RPL23: variants seen among roughly 807,000 people sequenced by gnomAD.
The protein encoded by RPL23 is large ribosomal subunit protein uL14.
For missense variants in RPL23, 79 were observed against 178.8 expected (o/e 0.44, Z 3.18); for synonymous variants, 63 against 65.3 (o/e 0.97, Z 0.17).
chr17:38,850,296 G>A, intron 4 of RPL23, 66 bp downstream of exon 4: 11 of 1,550,964 alleles, frequency 7.1e-6, no homozygotes, highest in Non-Finnish European at 9.8e-6. Context: ...AAGATCCTTG[G>A]CCTGTACTTC....
In RPL23 at chr17:38,849,955, C is replaced by CA; in HGVS notation, c.*176dup. 2 of 522,228 alleles carry CA rather than the reference C, an allele frequency of 3.8e-6. No individual in the cohort carries two copies. Among genetic ancestry groups the CA allele is most frequent in the Non-Finnish European group, 3.3e-6 (1 of 299,228 alleles). 32.3% of individuals were successfully genotyped at this position (522,228 alleles called of 1,614,324 possible). A position where few individuals can be genotyped will look rare whatever the true frequency, so the allele number is the denominator to read the frequency against. On this transcript the variant is annotated 3_prime_UTR_variant, in exon 5 of 5. Coordinates refer to ENST00000479035, the MANE Select transcript of RPL23 (RefSeq NM_000978.4). ...AAACATGGTGAAACCCTGTCTCCAC[C>CA]AAAAATACAAAAACTAGCCAGGCAT...
At position 38,849,153 on chromosome 17, in the gene RPL23, G is replaced by A. The variant is rs557513915; in HGVS notation, c.*979C>T. ...ACATTTTCATAGCAAAATACCTGTAGGTACCATCAACTTAATCATCTTCCA... is the reference window on the plus strand; with the variant it reads ...ACATTTTCATAGCAAAATACCTGTAAGTACCATCAACTTAATCATCTTCCA... On this transcript the variant is annotated 3_prime_UTR_variant, in exon 5 of 5. Transcript: ENST00000479035. 14 of 152,184 alleles carry A rather than the reference G, an allele frequency of 9.2e-5. No individual in the cohort carries two copies. The South Asian group carries it at 2.9e-3, about 32-fold the overall frequency. The allele number at this position is 152,184 out of a possible 1,614,324, so 9.4% of individuals were successfully genotyped here.
intron 3 of RPL23, chr17:38,850,741 TAGGGAGTAA>T (rs1912978595): frequency 8.5e-6 from 3 of 351,570 alleles, no homozygotes; most frequent in African/African-American, 2.1e-5. Flanking sequence ...GCTGGGAGTA[TAGGGAGTAA>T]AGGCATGAAC....
chr17:38,852,870 A>G (rs1555551645), intron 2 of RPL23, 138 bp from the exon 3 acceptor site: 6 of 1,399,960 alleles, frequency 4.3e-6, no homozygotes, highest in Non-Finnish European at 6.1e-6. Context: ...ACGCCTTGTC[A>G]CACCACCGAT....
rs751381482 is a variant in RPL23, at chr17:38,853,123, A to G, written c.14-18T>C. On this transcript the variant is annotated intron_variant, in intron 1 of 4. Transcript: ENST00000479035. Reference sequence around the variant, plus strand: ...ACCACGTCCTGTGGATATAAAGGGAAGGGAAACAGGATAAAGAGATCACAA... The same window carrying G: ...ACCACGTCCTGTGGATATAAAGGGAGGGGAAACAGGATAAAGAGATCACAA... The G allele has an allele frequency of 6.3e-7, 1 of 1,595,120 alleles. No individual in the cohort carries two copies. Among genetic ancestry groups the G allele is most frequent in the Non-Finnish European group, 8.6e-7 (1 of 1,162,794 alleles).
Position 38,847,898 on chromosome 17 carries a change from AAAATCTCC to A in RPL23, c.*2226_*2233del. 6.7e-7 allele frequency: 1 copy of A among 1,498,280 alleles called. No individual in the cohort carries two copies. Among genetic ancestry groups the A allele is most frequent in the Middle Eastern group, 1.7e-4 (1 of 5,748 alleles). The allele number at this position is 1,498,280 out of a possible 1,614,324, so 92.8% of individuals were successfully genotyped here. On this transcript the variant is annotated 3_prime_UTR_variant, in exon 5 of 5. Transcript: ENST00000479035. ...TAAAGTTTTTTAATCCAAGTCAAAA[AAAATCTCC>A]AAAGAATAAAATGTGAGGTGGGATG...
In RPL23 at chr17:38,850,102, T is replaced by C; in HGVS notation, c.*30A>G. The C allele has an allele frequency of 6.6e-7, 1 of 1,509,002 alleles. No homozygotes were observed. Among genetic ancestry groups the C allele is most frequent in the Non-Finnish European group, 9.0e-7 (1 of 1,111,800 alleles). 93.5% of individuals were successfully genotyped at this position (1,509,002 alleles called of 1,614,324 possible). ...ATACTTTTTAATGGGTTTAGTTTTT[T>C]TTTTTATTTTTTACAAATATACTGG... On this transcript the variant is annotated 3_prime_UTR_variant, in exon 5 of 5. Transcript: ENST00000479035.
chr17:38,852,371 AAAAACAAAAC>A (rs377128831), intron 3 of RPL23: 3 of 524,602 alleles, frequency 5.7e-6, no homozygotes, highest in East Asian at 3.4e-5. Context: ...CTCCATCTCA[AAAAACAAAAC>A]AAAACAAAAC....
chr17:38,850,109 T>G lies in RPL23; in HGVS notation c.*23A>C. 6.5e-7 allele frequency: 1 copy of G among 1,540,086 alleles called. No individual in the cohort carries two copies. Reference sequence around the variant, plus strand: ...TTAATGGGTTTAGTTTTTTTTTTTATTTTTTACAAATATACTGGAGAATCA... The same window carrying G: ...TTAATGGGTTTAGTTTTTTTTTTTAGTTTTTACAAATATACTGGAGAATCA... On this transcript the variant is annotated 3_prime_UTR_variant, in exon 5 of 5. Coordinates refer to ENST00000479035, the MANE Select transcript of RPL23 (RefSeq NM_000978.4).
In RPL23 at chr17:38,849,813, T is replaced by A. The variant is rs905315392; in HGVS notation, c.*319A>T. The stretch of plus-strand genomic sequence containing the variant: ...ACTCACAAAAAAGCAAGGATTGCTT[T>A]AAAAAAAAAATGCCCAGAGTTTCCA... On this transcript the variant is annotated 3_prime_UTR_variant, in exon 5 of 5. Coordinates refer to ENST00000479035, the MANE Select transcript of RPL23 (RefSeq NM_000978.4). The A allele has an allele frequency of 3.2e-4, 66 of 207,044 alleles. No individual in the cohort carries two copies. The highest frequency in any genetic ancestry group is 3.8e-4 in the Non-Finnish European group (40 of 105,234). 12.8% of individuals were successfully genotyped at this position (207,044 alleles called of 1,614,324 possible).
At chr17:38,852,360 A>C in intron 3 of RPL23, 2 of 471,788 alleles carry the variant, frequency 4.2e-6, no homozygotes. Context: ...ACAGAGAGAG[A>C]CTCCATCTCA....
intron 2 of RPL23, 129 bp downstream of exon 2, chr17:38,852,893 C>T: frequency 7.4e-7 from 1 of 1,344,474 alleles, no homozygotes; most frequent in Non-Finnish European, 1.1e-6. Flanking sequence ...AAGCAAACAA[C>T]ACATGTTGCC....
Position 38,847,982 on chromosome 17 carries a change from T to C in RPL23, c.*2150A>G, listed in dbSNP as rs1360289197. ...CCCTTTGAAGGCCACAGCAGGAGGA[T>C]TCCAAGTCCAGCAGTTCAAAGTTAC... On this transcript the variant is annotated 3_prime_UTR_variant, in exon 5 of 5. Coordinates refer to ENST00000479035, the MANE Select transcript of RPL23 (RefSeq NM_000978.4). The C allele has an allele frequency of 1.9e-6, 3 of 1,549,898 alleles. No homozygotes were observed. The African/African-American group carries it at 4.1e-5, about 21-fold the overall frequency.
In RPL23 at chr17:38,852,371, A is replaced by AAAAAC. The variant is rs377128831; in HGVS notation, c.226+228_226+232dup. On this transcript the variant is annotated intron_variant, in intron 3 of 4. Transcript: ENST00000479035. The stretch of plus-strand genomic sequence containing the variant: ...GGCGACAGAGAGAGACTCCATCTCA[A>AAAAAC]AAAACAAAACAAAACAAAACAAAAA... The AAAAAC allele has an allele frequency of 1.1e-4, 58 of 524,716 alleles. No homozygotes were observed. The Admixed American group carries it at 1.2e-3, about 11-fold the overall frequency. 32.5% of individuals were successfully genotyped at this position (524,716 alleles called of 1,614,324 possible).
At chr17:38,852,012 TAAATCATACACCTGAC>T (rs1215043065) in intron 3 of RPL23, 1 of 152,204 alleles carries the variant, frequency 6.6e-6, no homozygotes, top group African/African-American at 2.4e-5. Flanking sequence ...CCTCCCCCTT[TAAATCATACACCTGAC>T]AGGAAAAATT....
chr17:38,848,767 AG>A lies in RPL23; in HGVS notation c.*1364del, dbSNP rs2143673854. Reference sequence around the variant, plus strand: ...CCATAACTAGTCATGGAAGACACTAAGGGTAGTCCTTTTTGATACCAAGTGG... The same window carrying A: ...CCATAACTAGTCATGGAAGACACTAAGGTAGTCCTTTTTGATACCAAGTGG... On this transcript the variant is annotated 3_prime_UTR_variant, in exon 5 of 5. Transcript: ENST00000479035. 1 of 152,220 alleles carries A rather than the reference AG, an allele frequency of 6.6e-6. No homozygotes were observed. The highest frequency in any genetic ancestry group is 2.1e-4 in the South Asian group (1 of 4,804). The allele number at this position is 152,220 out of a possible 1,614,324, so 9.4% of individuals were successfully genotyped here.
At chr17:38,853,619 C>T in intron 1 of RPL23, 79 bp downstream of exon 1, 1 of 1,575,768 alleles carries the variant, frequency 6.3e-7, no homozygotes, top group African/African-American at 1.3e-5. Flanking sequence ...GCCCCAGCTG[C>T]CTAGGGCCAC....
chr17:38,853,588 C>A (rs999092370), intron 1 of RPL23, 110 bp downstream of exon 1: 10 of 1,358,496 alleles, frequency 7.4e-6, no homozygotes, highest in Non-Finnish European at 1.1e-5. Flanking sequence ...TCTCTCTCTC[C>A]GGCCTGAAGG....
chr17:38,850,308 A>G (rs1292415001), intron 4 of RPL23, 54 bp downstream of exon 4: 2 of 1,569,490 alleles, frequency 1.3e-6, no homozygotes, highest in African/African-American at 1.4e-5. Context: ...CTGTACTTCT[A>G]GACAATCCAC....
Sources: allele counts gnomAD v4.1 joint callset, GRCh38; gene constraint gnomAD v4.1.1; transcripts MANE v1.5; gene names NCBI Gene and HGNC (gene_info 2026-07-23, HGNC 2026-07-21).